Variants in ASTN1 observed in about 807,000 individuals in gnomAD.
ASTN1 encodes the protein astrotactin-1.
In ASTN1, 41 loss-of-function variants were observed where a neutral mutation model predicts 140.7. The ratio of observed to expected loss-of-function variants is 0.29; its 90% CI spans 0.23 to 0.38. ASTN1 has a LOEUF of 0.38. Among genes scored for constraint, ASTN1 ranks in the 10% least tolerant of loss-of-function variants. The pLI, the probability that ASTN1 is intolerant of heterozygous loss-of-function variation, is 1.00. For synonymous variants in ASTN1, 640 were observed against 652.2 expected, an observed-to-expected ratio of 0.98 and a Z score of 0.29; for missense variants, 1,479 against 1,678.8, an observed-to-expected ratio of 0.88 and a Z score of 2.08.
chr1:176,942,181 T>A (rs1183197041), intron 14 of ASTN1, among the ~76,000 whole-genome samples: 2 of 152,200 alleles, frequency 1.3e-5, no homozygotes, highest in African/African-American at 4.8e-5. Flanking sequence ...CCACTATGGG[T>A]CAGGAACTGT....
intron 1 of ASTN1, among the ~76,000 whole-genome samples, chr1:177,143,851 G>C (rs1304153576): frequency 6.6e-6 from 1 of 152,048 alleles, no homozygotes; most frequent in Non-Finnish European, 1.5e-5. Flanking sequence ...TAATTTCTTA[G>C]TTTTCATCAT....
intron 14 of ASTN1, 37 bp downstream of exon 14, chr1:176,943,854 T>C (rs757170275): frequency 6.5e-7 from 1 of 1,548,008 alleles, no homozygotes; most frequent in Admixed American, 2.1e-5. Flanking sequence ...AGCTGCCTGT[T>C]TGTGCCAGTT....
Position 176,943,916 on chromosome 1 carries a change from G to GATAC in ASTN1, c.2351_2352insGTAT (p.Thr785TyrfsTer4). Reference sequence around the variant, plus strand: ...CAGTCAGGAAGTCAGGGTCAGGGGTGGGCTCCGAGATCTCCTCTAGGCATT... The same window carrying GATAC: ...CAGTCAGGAAGTCAGGGTCAGGGGTGATACGGCTCCGAGATCTCCTCTAGGCATT... On this transcript the variant is annotated frameshift_variant, in exon 14 of 23. Transcript: ENST00000361833. LOFTEE classifies it high-confidence loss of function. 6.2e-7 allele frequency: 1 copy of GATAC among 1,611,270 alleles called. No individual in the cohort carries two copies. The highest frequency in any genetic ancestry group is 2.2e-5 in the East Asian group (1 of 44,728).
In ASTN1 at chr1:176,862,644, C is replaced by T. The variant is rs1316661113; in HGVS notation, c.*1640G>A. 5 of 954,730 alleles carry T rather than the reference C, an allele frequency of 5.2e-6. No individual in the cohort carries two copies. The highest frequency in any genetic ancestry group is 6.2e-6 in the Non-Finnish European group (5 of 802,280). The allele number at this position is 954,730 out of a possible 1,614,324, so 59.1% of individuals were successfully genotyped here. A position where few individuals can be genotyped will look rare whatever the true frequency, so the allele number is the denominator to read the frequency against. Reference sequence around the variant, plus strand: ...TCACACTGAAACTCAGTGTGAGTTACAGTGCACAAGGGATTTGAGGCAAGT... The same window carrying T: ...TCACACTGAAACTCAGTGTGAGTTATAGTGCACAAGGGATTTGAGGCAAGT... On this transcript the variant is annotated 3_prime_UTR_variant, in exon 23 of 23. Transcript: ENST00000361833.
intron 22 of ASTN1, among the ~76,000 whole-genome samples, chr1:176,866,820 C>A (rs1668140364): frequency 6.6e-6 from 1 of 152,146 alleles, no homozygotes; most frequent in Admixed American, 6.5e-5. Flanking sequence ...CTGAGGGAAT[C>A]CTCTGTTTGC....
rs141794392 is a variant in ASTN1 at position 176,909,478 on chromosome 1, G to A, written c.2672-14648C>T. The stretch of plus-strand genomic sequence containing the variant: ...GGTGATCCTTTAATTTATATTAAGG[G>A]GAAAATGGGTAAAAAAGATGCTGCT... On this transcript the variant is annotated intron_variant, in intron 16 of 22. Coordinates refer to ENST00000361833, the MANE Select transcript of ASTN1 (RefSeq NM_004319.3). Among the ~76,000 whole-genome samples the A allele has an allele frequency of 3.9e-4, 60 of 152,214 alleles. 1 individual carries two copies. The highest frequency in any genetic ancestry group is 6.8e-3 in the Middle Eastern group (2 of 294).
At chr1:176,994,562 C>T (rs569983897) in intron 8 of ASTN1, among the ~76,000 whole-genome samples, 8 of 152,154 alleles carry the variant, frequency 5.3e-5, no homozygotes, top group African/African-American at 1.7e-4. Flanking sequence ...AGGCTGGTCT[C>T]GAACTCCTGA....
chr1:177,141,771 C>G (rs1228945054), intron 1 of ASTN1, among the ~76,000 whole-genome samples: 1 of 152,164 alleles, frequency 6.6e-6, no homozygotes, highest in African/African-American at 2.4e-5. Flanking sequence ...GGTCCTGAAG[C>G]TAGGTGGAGA....
chr1:176,917,274 T>C (rs140151244), intron 16 of ASTN1, among the ~76,000 whole-genome samples: 76 of 152,290 alleles, frequency 5.0e-4, no homozygotes, highest in Middle Eastern at 3.4e-3. Flanking sequence ...ATGCTTTCCA[T>C]AGGGCCTGGC....
At chr1:176,959,931 G>A (rs368331661) in intron 9 of ASTN1, among the ~76,000 whole-genome samples, 1 of 152,146 alleles carries the variant, frequency 6.6e-6, no homozygotes, top group Admixed American at 6.5e-5. Flanking sequence ...TGCACCAGGG[G>A]AGGAAAGCTT....
chr1:176,900,903 A>G (rs1669738612), intron 16 of ASTN1, among the ~76,000 whole-genome samples: 1 of 152,228 alleles, frequency 6.6e-6, no homozygotes. Flanking sequence ...GTTCTCCACT[A>G]TAATATCCCA....
intron 13 of ASTN1, 109 bp downstream of exon 13, chr1:176,945,817 A>T (rs1671931401): frequency 8.9e-7 from 1 of 1,117,576 alleles, no homozygotes; most frequent in Non-Finnish European, 1.3e-6. Context: ...CCCTTTAGAC[A>T]TATCATATTT....
chr1:177,084,259 C>T (rs1314246313), intron 1 of ASTN1, among the ~76,000 whole-genome samples: 1 of 152,166 alleles, frequency 6.6e-6, no homozygotes, highest in Non-Finnish European at 1.5e-5. Context: ...AATGGCCACA[C>T]TGAACAAGGG....
chr1:176,859,626 C>CA (rs1014806241), downstream of ASTN1, among the ~76,000 whole-genome samples: 3 of 151,872 alleles, frequency 2.0e-5, no homozygotes, highest in Non-Finnish European at 4.4e-5. Context: ...ACTGAAAATA[C>CA]AAAAAAAATT....
At chr1:177,114,420 C>CATATATATAT (rs533026030) in intron 1 of ASTN1, among the ~76,000 whole-genome samples, 100 of 150,108 alleles carry the variant, frequency 6.7e-4, no homozygotes, top group Non-Finnish European at 9.2e-4. Flanking sequence ...GAATGGTGCA[C>CATATATATAT]ATATATATAT....
At chr1:177,025,147 A>T (rs1327673741) in intron 5 of ASTN1, among the ~76,000 whole-genome samples, 1 of 151,914 alleles carries the variant, frequency 6.6e-6, no homozygotes, top group Non-Finnish European at 1.5e-5. Context: ...GAGCAACTCC[A>T]CCCCCATAGT....
intron 8 of ASTN1, among the ~76,000 whole-genome samples, chr1:177,006,013 A>ATG (rs1244717808): frequency 6.6e-6 from 1 of 152,206 alleles, no homozygotes; most frequent in African/African-American, 2.4e-5. Context: ...AGGATGCTAG[A>ATG]TGGTGTTCCT....
chr1:176,922,191 A>G (rs1269903800), intron 16 of ASTN1, among the ~76,000 whole-genome samples: 2 of 152,232 alleles, frequency 1.3e-5, no homozygotes, highest in Non-Finnish European at 2.9e-5. Context: ...TACTAATGTT[A>G]TCTCTCAGCC....
chr1:176,944,385 A>G (rs1233927484), intron 13 of ASTN1, among the ~76,000 whole-genome samples: 1 of 151,772 alleles, frequency 6.6e-6, no homozygotes, highest in African/African-American at 2.4e-5. Context: ...TCAGCCTCCC[A>G]GGTAACTGAA....
Sources: allele counts gnomAD v4.1 joint callset (sites outside exome capture counted in the v4.1 genomes callset), GRCh38; gene constraint gnomAD v4.1.1; transcripts MANE v1.5; gene names NCBI Gene and HGNC (gene_info 2026-07-23, HGNC 2026-07-21).